The following TENM2 variants were observed in gnomAD, a reference collection of about 807,000 sequenced individuals.
The protein encoded by TENM2 is teneurin-2.
In TENM2, 52 loss-of-function variants were observed where a neutral mutation model predicts 245.2. The ratio of observed to expected loss-of-function variants is 0.21; its 90% CI spans 0.17 to 0.27. The LOEUF (loss-of-function observed/expected upper bound fraction) is 0.27. Ranked by LOEUF, TENM2 falls within the 10% of genes least tolerant of loss-of-function variation. The pLI is 1.00. For synonymous variants in TENM2, 1,363 were observed against 1,438.9 expected (o/e 0.95, Z 1.19); for missense variants, 3,046 against 3,666.8 (o/e 0.83, Z 4.37).
At chr5:167,622,362 C>T (rs770545029) in intron 2 of TENM2, among the ~76,000 whole-genome samples, 2 of 151,948 alleles carry the variant, frequency 1.3e-5, no homozygotes, top group Non-Finnish European at 2.9e-5. Flanking sequence ...TCATGTTGCC[C>T]GCATAAACCA....
At chr5:167,828,761 A>G (rs1768204003) in intron 2 of TENM2, among the ~76,000 whole-genome samples, 1 of 152,236 alleles carries the variant, frequency 6.6e-6, no homozygotes, top group Admixed American at 6.5e-5. Context: ...TGATTGATAT[A>G]AAAATGGCAG....
intron 7 of TENM2, among the ~76,000 whole-genome samples, chr5:168,085,707 G>A (rs1369514062): frequency 6.6e-6 from 1 of 152,234 alleles, no homozygotes; most frequent in African/African-American, 2.4e-5. Context: ...AGGCCTGGCT[G>A]GAGGCAGAAA....
the TENM2 span, among the ~76,000 whole-genome samples, chr5:167,111,250 C>G: frequency 9.8e-3 from 1,492 of 151,966 alleles, 25 homozygotes; most frequent in African/African-American, 0.034. Context: ...CTTTAATAAC[C>G]CAGAGATCAA....
the TENM2 span, among the ~76,000 whole-genome samples, chr5:167,208,685 C>T: frequency 2.3e-3 from 344 of 152,304 alleles, 3 homozygotes; most frequent in East Asian, 0.021. Context: ...CCTTAATAAA[C>T]GGAACATCTT....
chr5:168,106,423 T>G (rs1794249514), intron 9 of TENM2, among the ~76,000 whole-genome samples: 1 of 152,180 alleles, frequency 6.6e-6, no homozygotes, highest in Admixed American at 6.5e-5. Flanking sequence ...GCTGAACAAC[T>G]ACATAATTAT....
chr5:167,495,081 AT>A (rs1251695006), intron 2 of TENM2, among the ~76,000 whole-genome samples: 1 of 152,090 alleles, frequency 6.6e-6, no homozygotes, highest in African/African-American at 2.4e-5. Flanking sequence ...CACCACACAC[AT>A]TTGTGGAGAA....
chr5:167,317,214 T>C (rs949140305), intron 1 of TENM2, among the ~76,000 whole-genome samples: 1 of 152,172 alleles, frequency 6.6e-6, no homozygotes, highest in African/African-American at 2.4e-5. Context: ...CTTCAGTAGG[T>C]TCATGATTCT....
the TENM2 span, among the ~76,000 whole-genome samples, chr5:167,084,366 T>TATATATATATAGAGAGAG: frequency 8.7e-6 from 1 of 114,898 alleles, no homozygotes; most frequent in African/African-American, 3.1e-5. Flanking sequence ...TATATATATA[T>TATATATATATAGAGAGAG]ACAGATCAGA....
chr5:167,395,748 A>G (rs572011659), intron 2 of TENM2, among the ~76,000 whole-genome samples: 1 of 152,270 alleles, frequency 6.6e-6, no homozygotes, highest in South Asian at 2.1e-4. Context: ...CCTAGGGTAT[A>G]AAGTTGATGA....
At chr5:167,774,189 G>A (rs1394885673) in intron 2 of TENM2, among the ~76,000 whole-genome samples, 3 of 130,156 alleles carry the variant, frequency 2.3e-5, no homozygotes, top group South Asian at 2.9e-4. Context: ...AAGAAGGGAG[G>A]GAGGGAAGGA....
chr5:167,501,447 C>G (rs1485589552), intron 2 of TENM2, among the ~76,000 whole-genome samples: 1 of 152,064 alleles, frequency 6.6e-6, no homozygotes, highest in African/African-American at 2.4e-5. Context: ...TTTGAGTGAC[C>G]CTTTCATGCT....
chr5:167,117,260 T>C, the TENM2 span, among the ~76,000 whole-genome samples: 1 of 152,200 alleles, frequency 6.6e-6, no homozygotes, highest in African/African-American at 2.4e-5. Context: ...TCCCAGCACT[T>C]TGGGAGGCCC....
chr5:168,177,778 A>T (rs1398504810), intron 13 of TENM2, among the ~76,000 whole-genome samples: 1 of 152,254 alleles, frequency 6.6e-6, no homozygotes, highest in East Asian at 1.9e-4. Flanking sequence ...TTGAGGCTGC[A>T]GTGAGCCAAG....
intron 4 of TENM2, among the ~76,000 whole-genome samples, chr5:167,973,053 A>G (rs1439286022): frequency 6.6e-6 from 1 of 152,268 alleles, no homozygotes; most frequent in East Asian, 1.9e-4. Flanking sequence ...TCTTCTCCTC[A>G]TCCACCTTGC....
intron 2 of TENM2, among the ~76,000 whole-genome samples, chr5:167,646,010 G>C (rs908552685): frequency 6.6e-6 from 1 of 151,112 alleles, no homozygotes; most frequent in African/African-American, 2.4e-5. Flanking sequence ...CCAGATTGCT[G>C]TCACAGCCAG....
At chr5:167,907,787 A>T (rs1276932826) in intron 3 of TENM2, among the ~76,000 whole-genome samples, 1 of 151,714 alleles carries the variant, frequency 6.6e-6, no homozygotes, top group African/African-American at 2.4e-5. Flanking sequence ...GAAGTTATGT[A>T]TTCCATCTTG....
intron 2 of TENM2, among the ~76,000 whole-genome samples, chr5:167,417,356 G>T (rs923365292): frequency 1.3e-5 from 2 of 152,106 alleles, no homozygotes; most frequent in African/African-American, 4.8e-5. Context: ...TCCCCTCTTA[G>T]TCCATCTCTC....
intron 2 of TENM2, among the ~76,000 whole-genome samples, chr5:167,561,962 G>T (rs888974): frequency 0.58 from 87,943 of 152,000 alleles, 26,045 homozygotes; most frequent in Middle Eastern, 0.68. Flanking sequence ...GGCTGGGATA[G>T]TCTCTGTGCC....
chr5:167,063,631 C>T, the TENM2 span, among the ~76,000 whole-genome samples: 2 of 152,160 alleles, frequency 1.3e-5, no homozygotes, highest in Non-Finnish European at 2.9e-5. Context: ...ATTTGAACTA[C>T]AGCCAACAAT....
Sources: gnomAD v4.1 joint callset for allele counts (sites outside exome capture counted in the v4.1 genomes callset) on GRCh38, gnomAD v4.1.1 for gene constraint, MANE v1.5 for transcripts, NCBI Gene and HGNC (gene_info 2026-07-23, HGNC 2026-07-21) for gene names.